The following MRPL48 variants were observed in gnomAD, a reference collection of about 807,000 sequenced individuals.
The protein encoded by MRPL48 is large ribosomal subunit protein mL48.
MRPL48 carries 16 observed loss-of-function variants against 32.9 expected under a neutral mutation model. That is an observed-to-expected ratio of 0.49 (90% CI 0.33 to 0.74). MRPL48 has a LOEUF of 0.74. Among genes scored for constraint, MRPL48 ranks in the 30% least tolerant of loss-of-function variants. The pLI is 0.02. For missense variants in MRPL48, 206 were observed against 245.3 expected (o/e 0.84, Z 1.07); for synonymous variants, 94 against 89.2 (o/e 1.05, Z -0.31).
At chr11:73,848,727 T>C (rs923941781) in intron 5 of MRPL48, among the ~76,000 whole-genome samples, 8 of 152,252 alleles carry the variant, frequency 5.3e-5, no homozygotes, top group Non-Finnish European at 1.2e-4. Flanking sequence ...TCTTTACATA[T>C]CTTATCTCAG....
In MRPL48 at chr11:73,864,423, G is replaced by T. The variant is rs926863459; in HGVS notation, c.*53G>T. ...TGGTCATATTGAGTGCCAAAGAGAA[G>T]AGCTTACTGGGTAGTTAGAGTTCAT... On this transcript the variant is annotated 3_prime_UTR_variant, in exon 8 of 8. Transcript: ENST00000310614. 13 of 1,572,284 alleles carry T rather than the reference G, an allele frequency of 8.3e-6. No individual in the cohort carries two copies. In the African/African-American group the frequency reaches 1.4e-4, roughly 16 times the overall value.
chr11:73,838,246 G>A (rs1670572), intron 4 of MRPL48, among the ~76,000 whole-genome samples: 1 of 152,000 alleles, frequency 6.6e-6, no homozygotes, highest in Non-Finnish European at 1.5e-5. Flanking sequence ...GAGAAAAATT[G>A]TGTAGATAAA....
At chr11:73,840,521 A>G (rs1948169654) in intron 4 of MRPL48, among the ~76,000 whole-genome samples, 1 of 152,122 alleles carries the variant, frequency 6.6e-6, no homozygotes, top group Admixed American at 6.6e-5. Context: ...TTTTTTATAG[A>G]CGGAGTCTCG....
chr11:73,840,751 C>G (rs770524198), intron 4 of MRPL48, among the ~76,000 whole-genome samples: 1 of 152,060 alleles, frequency 6.6e-6, no homozygotes, highest in Non-Finnish European at 1.5e-5. Context: ...GCACCCACCT[C>G]GGCCTCCCAA....
At chr11:73,853,622 G>A (rs1162961266) in intron 5 of MRPL48, among the ~76,000 whole-genome samples, 1 of 142,908 alleles carries the variant, frequency 7.0e-6, no homozygotes, top group Non-Finnish European at 1.5e-5. Context: ...TGTTACTAAT[G>A]TTACTGTTGT....
At chr11:73,834,124 C>T (rs1948045452) in intron 4 of MRPL48, among the ~76,000 whole-genome samples, 1 of 152,110 alleles carries the variant, frequency 6.6e-6, no homozygotes, top group African/African-American at 2.4e-5. Context: ...GTTGGGATTA[C>T]AGGTGTGAGC....
At chr11:73,805,482 G>C (rs191370880) in intron 2 of MRPL48, among the ~76,000 whole-genome samples, 60 of 151,564 alleles carry the variant, frequency 4.0e-4, no homozygotes, top group Admixed American at 1.2e-3. Flanking sequence ...TTTTTGTAGA[G>C]ATGGGGTTTC....
At chr11:73,818,091 T>G (rs1947708909) in intron 3 of MRPL48, 1 of 152,626 alleles carries the variant, frequency 6.6e-6, no homozygotes, top group South Asian at 2.0e-4. Context: ...GGATTACAGG[T>G]GTCAGTCACT....
At chr11:73,806,056 A>G (rs986423528) in intron 2 of MRPL48, among the ~76,000 whole-genome samples, 1 of 151,734 alleles carries the variant, frequency 6.6e-6, no homozygotes, top group East Asian at 1.9e-4. Flanking sequence ...TTGCCTCCCA[A>G]CTGGTCTCCC....
intron 1 of MRPL48, 49 bp downstream of exon 1, chr11:73,788,041 C>T (rs762020804): frequency 2.1e-6 from 3 of 1,459,632 alleles, no homozygotes; most frequent in African/African-American, 1.4e-5. Flanking sequence ...GCGGACGGTG[C>T]AGAGAGGGGA....
chr11:73,808,355 G>A lies in MRPL48; in HGVS notation c.112+5G>A. 1 of 1,606,532 alleles carries A rather than the reference G, an allele frequency of 6.2e-7. No homozygotes were observed. Among genetic ancestry groups the A allele is most frequent in the Non-Finnish European group, 8.5e-7 (1 of 1,175,676 alleles). On this transcript the variant is annotated splice_donor_5th_base_variant and intron_variant, in intron 3 of 7. Transcript: ENST00000310614. Reference sequence around the variant, plus strand: ...AGAAGCCCATCTATTCTGTAGGTAAGCAGTTTTTACCTGATGTAGTTGGCC... The same window carrying A: ...AGAAGCCCATCTATTCTGTAGGTAAACAGTTTTTACCTGATGTAGTTGGCC...
At chr11:73,816,614 G>A (rs199715152) in intron 3 of MRPL48, among the ~76,000 whole-genome samples, 2 of 150,446 alleles carry the variant, frequency 1.3e-5, no homozygotes, top group African/African-American at 2.4e-5. Flanking sequence ...ACAGGCATGC[G>A]CCACCATGCC....
At chr11:73,825,330 AT>A (rs563199701) in intron 3 of MRPL48, among the ~76,000 whole-genome samples, 76 of 129,670 alleles carry the variant, frequency 5.9e-4, no homozygotes, top group African/African-American at 2.0e-3. Context: ...GTGTATACAT[AT>A]TTTTTTTTCT....
chr11:73,801,172 T>C (rs192225700), intron 1 of MRPL48, among the ~76,000 whole-genome samples: 18 of 152,350 alleles, frequency 1.2e-4, no homozygotes, highest in Admixed American at 1.0e-3. Context: ...TTGTACAGAC[T>C]CAGAAATCTG....
chr11:73,819,029 A>G (rs140841182), intron 3 of MRPL48, among the ~76,000 whole-genome samples: 2 of 152,344 alleles, frequency 1.3e-5, no homozygotes, highest in African/African-American at 4.8e-5. Flanking sequence ...CAGGAAACCC[A>G]CTTATTGACA....
intron 4 of MRPL48, among the ~76,000 whole-genome samples, chr11:73,838,890 TG>T (rs1387720424): frequency 6.6e-6 from 1 of 152,236 alleles, no homozygotes; most frequent in Non-Finnish European, 1.5e-5. Context: ...TTTATCTGTT[TG>T]GGCTTCATAT....
chr11:73,803,342 G>T (rs1311986359), intron 1 of MRPL48, among the ~76,000 whole-genome samples: 3 of 151,918 alleles, frequency 2.0e-5, no homozygotes, highest in Non-Finnish European at 4.4e-5. Flanking sequence ...TGTTGGCCAG[G>T]CTGGTCTTGA....
At chr11:73,826,266 T>C (rs751606112) in intron 4 of MRPL48, among the ~76,000 whole-genome samples, 1 of 151,990 alleles carries the variant, frequency 6.6e-6, no homozygotes, top group Non-Finnish European at 1.5e-5. Flanking sequence ...GTGATCCTCC[T>C]GCTTCAGCCT....
chr11:73,810,721 C>T lies in MRPL48; in HGVS notation c.112+2371C>T, dbSNP rs531829441. On this transcript the variant is annotated intron_variant, in intron 3 of 7. Transcript: ENST00000310614. ...ATCTCTCCACTAGCCCCCCACCCCC[C>T]GAGAGGCCCTGGTATGTGATGTTCC... is the stretch of plus-strand genomic sequence containing the variant. Among the ~76,000 whole-genome samples the T allele has an allele frequency of 6.6e-5, 10 of 151,854 alleles. No homozygotes were observed. The South Asian group carries it at 1.5e-3, about 22-fold the overall frequency.
Sources: allele counts gnomAD v4.1 joint callset (sites outside exome capture counted in the v4.1 genomes callset), GRCh38; gene constraint gnomAD v4.1.1; transcripts MANE v1.5; gene names NCBI Gene and HGNC (gene_info 2026-07-23, HGNC 2026-07-21).